ABCC6: variants seen among roughly 807,000 people sequenced by gnomAD.
ABCC6 encodes the protein ATP binding cassette subfamily C member 6, also known as ATP-binding cassette sub-family C member 6.
In ABCC6, 126 loss-of-function variants were observed where a neutral mutation model predicts 169.5. The ratio of observed to expected loss-of-function variants is 0.74; its 90% CI spans 0.64 to 0.86. The LOEUF is 0.86. Among genes scored for constraint, ABCC6 ranks in the 40% least tolerant of loss-of-function variants. ABCC6 has a pLI of 0.00. For missense variants in ABCC6, 1,733 were observed against 1,927.2 expected (o/e 0.90, Z 1.89); for synonymous variants, 752 against 814.7 (o/e 0.92, Z 1.31).
chr16:16,187,175 A>G lies in ABCC6; in HGVS notation c.1816T>C (p.Cys606Arg). 1 of 1,613,276 alleles carries G rather than the reference A, an allele frequency of 6.2e-7. No individual in the cohort carries two copies. Among genetic ancestry groups the G allele is most frequent in the Non-Finnish European group, 8.5e-7 (1 of 1,179,588 alleles). ...VSFDRLVTFL[C>R]LEEVDPGVVD... ...ACACCAGGGTCAACTTCTTCCAGGC[A>G]GAGGAAGGTGACCAGACGGTCAAAG... The change falls in exon 14 of 31, where the codon TGC becomes CGC. Residue 606 changes from cysteine (C) to arginine (R), a missense_variant. Cys to Arg is a radical substitution (Grantham distance 180). Transcript: ENST00000205557.
At chr16:16,160,321 G>A (rs2046674624) in intron 25 of ABCC6, among the ~76,000 whole-genome samples, 1 of 152,144 alleles carries the variant, frequency 6.6e-6, no homozygotes, top group African/African-American at 2.4e-5. Context: ...TGATGGGGTT[G>A]TGGGCAGTAT....
Position 16,202,077 on chromosome 16 carries a change from T to G in ABCC6, c.1100A>C (p.Glu367Ala). Residue 367 changes from glutamate (E) to alanine (A), a missense_variant, in exon 9 of 31, where the codon GAG (glutamate) becomes GCG (alanine). Transcript: ENST00000205557. ...FLSACLQTLFEQQNMYRLKVL... is the reference protein window; with the variant it reads ...FLSACLQTLFAQQNMYRLKVL... ...CTTGAGCCTGTACATGTTCTGCTGC[T>G]CAAACAGCGTTTGCAGGCAGGCTGA... The G allele has an allele frequency of 6.2e-7, 1 of 1,613,958 alleles. No homozygotes were observed. The highest frequency in any genetic ancestry group is 1.7e-5 in the Admixed American group (1 of 60,012).
chr16:16,202,079 A>G lies in ABCC6; in HGVS notation c.1098T>C (p.Phe366=). The G allele has an allele frequency of 1.2e-6, 2 of 1,614,022 alleles. No homozygotes were observed. Among genetic ancestry groups the G allele is most frequent in the Non-Finnish European group, 1.7e-6 (2 of 1,179,880 alleles). The change falls in exon 9 of 31, where the codon TTT becomes TTC. Residue 366 remains phenylalanine (F), a synonymous_variant. Coordinates refer to ENST00000205557, the MANE Select transcript of ABCC6 (RefSeq NM_001171.6). ...MFLSACLQTL[F]EQQNMYRLKV... The stretch of plus-strand genomic sequence containing the variant: ...TGAGCCTGTACATGTTCTGCTGCTC[A>G]AACAGCGTTTGCAGGCAGGCTGAGA...
chr16:16,190,259 C>A lies in ABCC6; in HGVS notation c.1540G>T (p.Val514Phe). The change falls in exon 12 of 31, where the codon GTC becomes TTC. Residue 514 changes from valine (V) to phenylalanine (F), a missense_variant. Physicochemically the swap from Val to Phe is conservative, Grantham distance 50 (BLOSUM62 -1). Transcript: ENST00000205557. ...HGWEGAFLDR[V>F]LGIRGQELGA... ...AGCTCCTGGCCTCGGATGCCCAGGA[C>A]TCTGTCCAGAAAGGCTCCCTCCCAG... 6.2e-7 allele frequency: 1 copy of A among 1,614,144 alleles called. No homozygotes were observed.
chr16:16,155,158 C>G, intron 27 of ABCC6, 127 bp from the exon 28 acceptor site: 1 of 1,130,132 alleles, frequency 8.8e-7, no homozygotes, highest in Non-Finnish European at 1.2e-6. Context: ...TACCTTCCAT[C>G]TCTCTTTCCA....
At position 16,157,655 on chromosome 16, in the gene ABCC6, C is replaced by T. The variant is rs945151292; in HGVS notation, c.3882+8G>A. ...CCATGAAGAAGACATTGTGAGAGAACCACTCACCTTCTCTCCTGCGTGGAT... is the reference window on the plus strand; with the variant it reads ...CCATGAAGAAGACATTGTGAGAGAATCACTCACCTTCTCTCCTGCGTGGAT... On this transcript the variant is annotated splice_region_variant and intron_variant, in intron 27 of 30. Transcript: ENST00000205557. The T allele has an allele frequency of 3.7e-6, 6 of 1,613,952 alleles. No individual in the cohort carries two copies. The Admixed American group carries it at 6.7e-5, about 18-fold the overall frequency.
At position 16,173,331 on chromosome 16, in the gene ABCC6, C is replaced by G. The variant is rs1470139960; in HGVS notation, c.2740G>C (p.Asp914His). ...AQTEVPLDDP[D>H]RAGWPAGKDS... ...TTTCCTGCTGGCCATCCTGCCCTGT[C>G]AGGGTCATCCAGAGGAACCTCTGTC... The change falls in exon 21 of 31, where the codon GAC becomes CAC. Residue 914 changes from aspartate (D) to histidine (H), a missense_variant. Physicochemically the swap from Asp to His is moderately conservative, Grantham distance 81 (BLOSUM62 -1). Around this residue, in one of 5 missense-constraint regions of ABCC6, gnomAD observed 1,601 missense variants for 1,635.5 expected, o/e 0.98. Coordinates refer to ENST00000205557, the MANE Select transcript of ABCC6 (RefSeq NM_001171.6). 5.0e-6 allele frequency: 8 copies of G among 1,613,940 alleles called. No individual in the cohort carries two copies. The highest frequency in any genetic ancestry group is 1.3e-5 in the African/African-American group (1 of 74,880).
chr16:16,155,082 A>G, intron 27 of ABCC6, 51 bp from the exon 28 acceptor site: 1 of 1,530,856 alleles, frequency 6.5e-7, no homozygotes. Flanking sequence ...GTTTGTGGGC[A>G]TTTATTGGGG....
intron 19 of ABCC6, 64 bp from the exon 20 acceptor site, chr16:16,176,050 CTA>C: frequency 1.3e-6 from 2 of 1,510,058 alleles, no homozygotes; most frequent in Non-Finnish European, 1.8e-6. Context: ...CACCCACTGA[CTA>C]TGTGGCCTTA....
intron 1 of ABCC6, among the ~76,000 whole-genome samples, chr16:16,222,799 C>G (rs1037774887): frequency 6.6e-6 from 1 of 152,056 alleles, no homozygotes. Context: ...CTCCTGGTTT[C>G]ACAACTCACC....
intron 27 of ABCC6, chr16:16,155,474 A>G (rs2046523359): frequency 1.0e-5 from 2 of 199,154 alleles, no homozygotes; most frequent in African/African-American, 2.3e-5. Flanking sequence ...ACCCCATTCC[A>G]TTCATCCATC....
At chr16:16,192,738 G>T in intron 11 of ABCC6, 92 bp downstream of exon 11, 1 of 1,206,602 alleles carries the variant, frequency 8.3e-7, no homozygotes, top group African/African-American at 1.5e-5. Context: ...CCGTGGGCTC[G>T]CACTCAGCTC....
chr16:16,191,905 A>G (rs1250019046), intron 11 of ABCC6, among the ~76,000 whole-genome samples: 3 of 152,136 alleles, frequency 2.0e-5, no homozygotes, highest in Non-Finnish European at 4.4e-5. Context: ...GTTGGCCACA[A>G]TCAGTGGCCT....
chr16:16,185,144 G>A (rs1318149715), intron 14 of ABCC6, 110 bp from the exon 15 acceptor site: 1 of 1,025,806 alleles, frequency 9.7e-7, no homozygotes, highest in Admixed American at 1.9e-5. Context: ...GAGGCTGCAG[G>A]AAGAAATCTC....
intron 14 of ABCC6, 24 bp downstream of exon 14, chr16:16,187,100 C>G: frequency 6.2e-7 from 1 of 1,603,250 alleles, no homozygotes; most frequent in Non-Finnish European, 8.5e-7. Context: ...CTCCCACACC[C>G]CTCCTGCCAG....
chr16:16,157,544 GC>G lies in ABCC6; in HGVS notation c.3882+118del, dbSNP rs2046588852. 6.0e-6 allele frequency: 8 copies of G among 1,341,320 alleles called. No individual in the cohort carries two copies. The South Asian group carries it at 9.9e-5, about 17-fold the overall frequency. 83.1% of individuals were successfully genotyped at this position (1,341,320 alleles called of 1,614,324 possible). A position where few individuals can be genotyped will look rare whatever the true frequency, so the allele number is the denominator to read the frequency against. On this transcript the variant is annotated intron_variant, in intron 27 of 30. Coordinates refer to ENST00000205557, the MANE Select transcript of ABCC6 (RefSeq NM_001171.6). ...ATTTTAGGGGGTAATGGGTCTGAAA[GC>G]TAGGGGACCTGAGGTGGGGACACTG...
intron 4 of ABCC6, among the ~76,000 whole-genome samples, chr16:16,215,465 G>A (rs1362654050): frequency 6.6e-6 from 1 of 150,564 alleles, no homozygotes; most frequent in Non-Finnish European, 1.5e-5. Context: ...GTGTGTGTGT[G>A]TGTGTGTGTA....
At chr16:16,177,732 C>T (rs550693859) in intron 18 of ABCC6, 106 bp from the exon 19 acceptor site, 2 of 1,407,582 alleles carry the variant, frequency 1.4e-6, no homozygotes, top group South Asian at 2.4e-5. Context: ...CACTTGAGGC[C>T]AGAAGTTCGA....
intron 7 of ABCC6, among the ~76,000 whole-genome samples, chr16:16,204,119 T>C (rs2048324930): frequency 1.3e-5 from 2 of 151,614 alleles, no homozygotes; most frequent in Admixed American, 1.3e-4. Context: ...TGCAGTGGTG[T>C]GATCTCAGCT....
Sources: allele counts gnomAD v4.1 joint callset (sites outside exome capture counted in the v4.1 genomes callset), GRCh38; gene constraint gnomAD v4.1.1; regional missense constraint gnomAD v4.1.1; transcripts MANE v1.5; gene names NCBI Gene and HGNC (gene_info 2026-07-23, HGNC 2026-07-21).